ASTN1: variants seen among roughly 807,000 people sequenced by gnomAD.
ASTN1 encodes the protein astrotactin-1.
Under a neutral mutation model 140.7 loss-of-function variants are expected in ASTN1, and 41 were observed. The ratio of observed to expected loss-of-function variants is 0.29; its 90% CI spans 0.23 to 0.38. The LOEUF is 0.38. Among genes scored for constraint, ASTN1 ranks in the 10% least tolerant of loss-of-function variants. The probability of loss-of-function intolerance (pLI) is 1.00; values close to 1 mark genes in which losing one functional copy is unlikely to be tolerated. For synonymous variants in ASTN1, 640 were observed against 652.2 expected (o/e 0.98, Z 0.29); for missense variants, 1,479 against 1,678.8 (o/e 0.88, Z 2.08).
chr1:176,927,624 T>C (rs1406584637), intron 16 of ASTN1, among the ~76,000 whole-genome samples: 1 of 152,156 alleles, frequency 6.6e-6, no homozygotes, highest in Non-Finnish European at 1.5e-5. Context: ...ATATAAAGGA[T>C]CCATTCCTTT....
In ASTN1 at chr1:176,984,457, G is replaced by T. The variant is rs116836741; in HGVS notation, c.1524-19220C>A. ...GTTGCCATCGCACTGAAAGCTCACA[G>T]GCTGGACCCTTTTGCTTGTGGAAAT... On this transcript the variant is annotated intron_variant, in intron 8 of 22. Coordinates refer to ENST00000361833, the MANE Select transcript of ASTN1 (RefSeq NM_004319.3). Among the ~76,000 whole-genome samples, 404 of 152,276 alleles carry T rather than the reference G, an allele frequency of 2.7e-3. 3 individuals are homozygous for T. Among genetic ancestry groups the T allele is most frequent in the African/African-American group, 8.7e-3 (362 of 41,568 alleles).
chr1:177,019,749 C>T (rs891759763), intron 7 of ASTN1, among the ~76,000 whole-genome samples: 4 of 152,336 alleles, frequency 2.6e-5, no homozygotes, highest in Middle Eastern at 3.4e-3. Context: ...AAAAACAGAT[C>T]AGCAAGTATT....
intron 1 of ASTN1, among the ~76,000 whole-genome samples, chr1:177,063,361 C>A (rs1482406027): frequency 6.6e-6 from 1 of 152,076 alleles, no homozygotes; most frequent in Admixed American, 6.5e-5. Context: ...CATTGGGTTG[C>A]TAAGCTGTCC....
chr1:176,971,033 C>T (rs1246910081), intron 8 of ASTN1, among the ~76,000 whole-genome samples: 4 of 152,086 alleles, frequency 2.6e-5, no homozygotes, highest in South Asian at 2.1e-4. Flanking sequence ...CACAGCACTT[C>T]GGGGTCCCAG....
At chr1:177,099,526 G>A (rs1418096827) in intron 1 of ASTN1, among the ~76,000 whole-genome samples, 1 of 152,012 alleles carries the variant, frequency 6.6e-6, no homozygotes, top group African/African-American at 2.4e-5. Context: ...CTTATCATAA[G>A]TGCCTGCATT....
chr1:177,000,317 T>C (rs1246231857), intron 8 of ASTN1, among the ~76,000 whole-genome samples: 3 of 152,172 alleles, frequency 2.0e-5, no homozygotes, highest in Non-Finnish European at 4.4e-5. Context: ...GAAACAGGCA[T>C]GCCATATTTT....
chr1:176,941,150 T>C (rs185818838), intron 14 of ASTN1, among the ~76,000 whole-genome samples: 1 of 152,304 alleles, frequency 6.6e-6, no homozygotes, highest in East Asian at 1.9e-4. Context: ...TGAAATGATA[T>C]AAGATTCCCT....
At chr1:177,140,696 T>C (rs952242204) in intron 1 of ASTN1, among the ~76,000 whole-genome samples, 7 of 152,128 alleles carry the variant, frequency 4.6e-5, no homozygotes, top group African/African-American at 1.4e-4. Flanking sequence ...ATTCTCCCCA[T>C]TGGACACAGT....
intron 1 of ASTN1, among the ~76,000 whole-genome samples, chr1:177,153,718 C>T (rs926350692): frequency 2.0e-5 from 3 of 152,016 alleles, no homozygotes; most frequent in Non-Finnish European, 4.4e-5. Flanking sequence ...TTCTGGAAAA[C>T]CAACCAAACA....
chr1:176,934,811 G>T (rs867456991), intron 15 of ASTN1, among the ~76,000 whole-genome samples: 2 of 152,030 alleles, frequency 1.3e-5, no homozygotes, highest in South Asian at 2.1e-4. Flanking sequence ...ATGTGTACGC[G>T]CAAGGTCACG....
chr1:176,977,504 G>T (rs1482116449), intron 8 of ASTN1, among the ~76,000 whole-genome samples: 1 of 152,196 alleles, frequency 6.6e-6, no homozygotes, highest in Non-Finnish European at 1.5e-5. Context: ...ACAGATAAAA[G>T]GCCGGGTCCT....
chr1:176,877,795 C>A (rs565852972), intron 20 of ASTN1, among the ~76,000 whole-genome samples: 1 of 152,234 alleles, frequency 6.6e-6, no homozygotes, highest in Non-Finnish European at 1.5e-5. Context: ...ATTTTGTTTT[C>A]TTTTGGCACA....
Position 177,014,833 on chromosome 1 carries a change from T to C in ASTN1, c.1481A>G (p.His494Arg), listed in dbSNP as rs746794804. Reference protein sequence around the residue: ...CYEGYMKDPVHKHLCIRNEWG... With the variant: ...CYEGYMKDPVRKHLCIRNEWG... ...TTCGTTCCGAATGCAAAGGTGCTTA[T>C]GTACTGGATCCTTCATGTAGCCTTC... is the stretch of plus-strand genomic sequence containing the variant. Residue 494 changes from histidine to arginine, a missense_variant, in exon 8 of 23, where the codon CAT (histidine) becomes CGT (arginine). By Grantham distance (29) the His-to-Arg change is conservative (BLOSUM62 0). Around this residue, in one of 3 missense-constraint regions of ASTN1, gnomAD observed 729 missense variants for 860.4 expected, o/e 0.85. Coordinates refer to ENST00000361833, the MANE Select transcript of ASTN1 (RefSeq NM_004319.3). 1.4e-5 allele frequency: 23 copies of C among 1,613,924 alleles called. No individual in the cohort carries two copies. The South Asian group carries it at 2.4e-4, about 17-fold the overall frequency.
chr1:176,899,107 A>G (rs1669649881), intron 16 of ASTN1, among the ~76,000 whole-genome samples: 2 of 152,234 alleles, frequency 1.3e-5, no homozygotes, highest in Admixed American at 1.3e-4. Context: ...AATGTAGTTA[A>G]CAATCCTAAA....
chr1:177,041,941 A>C (rs549099373), intron 2 of ASTN1, among the ~76,000 whole-genome samples: 35 of 152,210 alleles, frequency 2.3e-4, no homozygotes, highest in Non-Finnish European at 4.4e-4. Context: ...CTGCAGGAAG[A>C]CCTTATGCAG....
At chr1:177,124,709 A>G (rs1395528543) in intron 1 of ASTN1, among the ~76,000 whole-genome samples, 2 of 152,298 alleles carry the variant, frequency 1.3e-5, no homozygotes, top group African/African-American at 4.8e-5. Context: ...CTTTATTATC[A>G]ATTAGTAGGT....
intron 16 of ASTN1, among the ~76,000 whole-genome samples, chr1:176,897,961 C>T (rs1007016789): frequency 2.0e-5 from 3 of 152,126 alleles, no homozygotes; most frequent in African/African-American, 7.2e-5. Flanking sequence ...ATGACAAATG[C>T]GGCCACTAGA....
intron 8 of ASTN1, among the ~76,000 whole-genome samples, chr1:176,997,529 G>A (rs1385619670): frequency 6.6e-6 from 1 of 151,948 alleles, no homozygotes; most frequent in African/African-American, 2.4e-5. Context: ...ATCCTGTGAG[G>A]ATATCCTCCG....
chr1:176,906,916 C>A (rs1411490168), intron 16 of ASTN1, among the ~76,000 whole-genome samples: 1 of 150,908 alleles, frequency 6.6e-6, no homozygotes, highest in East Asian at 1.9e-4. Context: ...TGTGTGATTT[C>A]TTTCAGGATA....
Sources: allele counts gnomAD v4.1 joint callset (sites outside exome capture counted in the v4.1 genomes callset), GRCh38; gene constraint gnomAD v4.1.1; regional missense constraint gnomAD v4.1.1; transcripts MANE v1.5; gene names NCBI Gene and HGNC (gene_info 2026-07-23, HGNC 2026-07-21).